DUSP10: variants seen among roughly 807,000 people sequenced by gnomAD.
DUSP10 encodes the protein dual specificity phosphatase 10.
In DUSP10, 14 loss-of-function variants were observed where a neutral mutation model predicts 30.8. The observed-to-expected ratio is 0.46, with a 90% CI of 0.30 to 0.71. The LOEUF (loss-of-function observed/expected upper bound fraction) is 0.71. Ranked by LOEUF, DUSP10 falls within the 30% of genes least tolerant of loss-of-function variation. DUSP10 has a pLI of 0.08. For missense variants in DUSP10, 550 were observed against 619.4 expected, an observed-to-expected ratio of 0.89 and a Z score of 1.19; for synonymous variants, 254 against 250.4, an observed-to-expected ratio of 1.01 and a Z score of -0.14.
At chr1:221,737,017 G>A (rs1661795635) in intron 2 of DUSP10, 1 of 985,366 alleles carries the variant, frequency 1.0e-6, no homozygotes, top group Non-Finnish European at 1.2e-6. Context: ...AGGCTGTCCA[G>A]AATCTCAGCT....
In DUSP10 at chr1:221,706,872, G is replaced by A. The variant is rs898680575; in HGVS notation, c.812-406C>T. Among the ~76,000 whole-genome samples the A allele has an allele frequency of 3.3e-5, 5 of 152,098 alleles. No individual in the cohort carries two copies. Among genetic ancestry groups the A allele is most frequent in the African/African-American group, 9.7e-5 (4 of 41,396 alleles). ...CAAGAAAGGCACAGATGACCTCCTC[G>A]GGTGGAATCTCAGCACCACAGGAGC... On this transcript the variant is annotated intron_variant, in intron 2 of 3. Transcript: ENST00000366899. This position sits in a 1 kb window ranked among gnomAD's most constrained non-coding sequence, Gnocchi z 4.6.
rs118091785 is a variant in DUSP10 at position 221,715,470 on chromosome 1, C to A, written c.812-9004G>T. On this transcript the variant is annotated intron_variant, in intron 2 of 3. Transcript: ENST00000366899. The stretch of plus-strand genomic sequence containing the variant: ...AAAAGTCAGCCTCTGGTTCCTACCC[C>A]CTGAAGGGAGGTGCAGTTCTCTTGC... Among the ~76,000 whole-genome samples the A allele has an allele frequency of 8.6e-3, 1,311 of 152,310 alleles. 24 individuals are homozygous for A. Among genetic ancestry groups the A allele is most frequent in the East Asian group, 0.06 (312 of 5,188 alleles).
Position 221,739,598 on chromosome 1 carries a change from G to C in DUSP10, c.147C>G (p.Thr49=), listed in dbSNP as rs943040472. Reference sequence around the variant, plus strand: ...GATTCGCAGCCTTGAGGGACACAACGGTGGTGGCGATGACAGGAGGGTGGC... The same window carrying C: ...GATTCGCAGCCTTGAGGGACACAACCGTGGTGGCGATGACAGGAGGGTGGC... ...SNSHPPVIAT[T]VVSLKAANLT... is the part of the protein sequence containing the mutation. Residue 49 remains threonine (T), a synonymous_variant, in exon 2 of 4, where the codon ACC becomes ACG. Transcript: ENST00000366899. 1.2e-6 allele frequency: 2 copies of C among 1,614,204 alleles called. No individual in the cohort carries two copies. The highest frequency in any genetic ancestry group is 1.7e-6 in the Non-Finnish European group (2 of 1,180,038).
chr1:221,724,574 G>A (rs1053372719), intron 2 of DUSP10, among the ~76,000 whole-genome samples: 6 of 152,106 alleles, frequency 3.9e-5, no homozygotes, highest in South Asian at 2.1e-4. Context: ...CAATGGCCAC[G>A]TTTGGCTTGC....
intron 1 of DUSP10, among the ~76,000 whole-genome samples, chr1:221,740,800 T>G (rs1261968328): frequency 2.0e-5 from 3 of 152,198 alleles, no homozygotes; most frequent in Admixed American, 6.5e-5. Flanking sequence ...GACAGTGAAT[T>G]GTTGCCCACC....
In DUSP10 at chr1:221,739,031, C is replaced by A. The variant is rs1244116331; in HGVS notation, c.714G>T (p.Glu238Asp). The change falls in exon 2 of 4, where the codon GAG becomes GAT. Residue 238 changes from glutamate to aspartate, a missense_variant. By Grantham distance (45) the Glu-to-Asp change is conservative. Coordinates refer to ENST00000366899, the MANE Select transcript of DUSP10 (RefSeq NM_007207.6). ...TCACTCGGCTTGGTTCATTGGTATT[C>A]TCATCATAAACTATAATTTCTTTGG... The part of the protein sequence containing the change: ...IFSKEIIVYD[E>D]NTNEPSRVMP... 3 of 1,614,046 alleles carry A rather than the reference C, an allele frequency of 1.9e-6. No individual in the cohort carries two copies. In the Admixed American group the frequency reaches 5.0e-5, roughly 27 times the overall value.
rs146391663 is a variant in DUSP10, at chr1:221,706,438, A to G, written c.840T>C (p.His280=). The G allele has an allele frequency of 3.8e-5, 58 of 1,528,956 alleles. No homozygotes were observed. Among genetic ancestry groups the G allele is most frequent in the Non-Finnish European group, 4.4e-5 (50 of 1,138,790 alleles). 94.7% of individuals were successfully genotyped at this position (1,528,956 alleles called of 1,614,324 possible). ...GGAGGGAGTTGTCACAGAGGTTTTC[A>G]TGGTTCTGCTTAAAACTACTAAGTC... ...KGGLSSFKQN[H]ENLCDNSLQL... is the part of the protein sequence containing the mutation. Residue 280 remains histidine, a synonymous_variant, in exon 3 of 4, where the codon CAT becomes CAC. Coordinates refer to ENST00000366899, the MANE Select transcript of DUSP10 (RefSeq NM_007207.6). This position sits in a 1 kb window ranked among gnomAD's most constrained non-coding sequence, Gnocchi z 4.6.
Position 221,706,332 on chromosome 1 carries a change from C to A in DUSP10, c.946G>T (p.Asp316Tyr), listed in dbSNP as rs746847045. The change falls in exon 3 of 4, where the codon GAC becomes TAC. Residue 316 changes from aspartate to tyrosine, a missense_variant. Physicochemically the swap from Asp to Tyr is radical, Grantham distance 160. Transcript: ENST00000366899. This position sits in a 1 kb window ranked among gnomAD's most constrained non-coding sequence, Gnocchi z 4.6. ...GGGGTGAGCTCAGCGTTCTCGATGT[C>A]AGGGGTGGTGGGGATGGGCTGAGGT... Reference protein sequence around the residue: ...LLPQPIPTTPDIENAELTPIL... With the variant: ...LLPQPIPTTPYIENAELTPIL... The A allele has an allele frequency of 6.2e-7, 1 of 1,612,626 alleles. No individual in the cohort carries two copies. The highest frequency in any genetic ancestry group is 8.5e-7 in the Non-Finnish European group (1 of 1,178,808).
At chr1:221,709,320 A>G (rs1248311291) in intron 2 of DUSP10, among the ~76,000 whole-genome samples, 1 of 150,816 alleles carries the variant, frequency 6.6e-6, no homozygotes, top group Non-Finnish European at 1.5e-5. Context: ...GGGGAAAAAA[A>G]CCCGTGGCGG....
Position 221,729,261 on chromosome 1 carries a change from A to G in DUSP10, c.811+9673T>C, listed in dbSNP as rs17010636. On this transcript the variant is annotated intron_variant, in intron 2 of 3. Coordinates refer to ENST00000366899, the MANE Select transcript of DUSP10 (RefSeq NM_007207.6). ...GGCAAGGTTACTGGGAAGCCAGTCT[A>G]CTCTAAGGACACAGAATAGGCTACT... is the stretch of plus-strand genomic sequence containing the variant. 6.9e-4 allele frequency among the ~76,000 whole-genome samples: 105 copies of G among 152,316 alleles called. No individual in the cohort carries two copies. The East Asian group carries it at 0.017, about 24-fold the overall frequency.
intron 2 of DUSP10, chr1:221,737,532 C>T (rs998145506): frequency 5.9e-5 from 50 of 846,426 alleles, no homozygotes; most frequent in Admixed American, 1.9e-4. Flanking sequence ...AGAAAACCCA[C>T]CACAACCACC....
At chr1:221,736,418 C>T (rs867329375) in intron 2 of DUSP10, among the ~76,000 whole-genome samples, 1 of 152,168 alleles carries the variant, frequency 6.6e-6, no homozygotes, top group Non-Finnish European at 1.5e-5. Flanking sequence ...TTACTCCTTC[C>T]GAAATGGTAC....
chr1:221,720,449 T>A lies in DUSP10; in HGVS notation c.812-13983A>T, dbSNP rs372864064. 2.4e-4 allele frequency among the ~76,000 whole-genome samples: 36 copies of A among 152,344 alleles called. No individual in the cohort carries two copies. The South Asian group carries it at 7.5e-3, about 32-fold the overall frequency. ...TCTATATTCTTTGTAATATCTTTTA[T>A]AATAAATGTGTAAACACATTTCCCT... On this transcript the variant is annotated intron_variant, in intron 2 of 3. Coordinates refer to ENST00000366899, the MANE Select transcript of DUSP10 (RefSeq NM_007207.6).
At position 221,702,655 on chromosome 1, in the gene DUSP10, C is replaced by G; in HGVS notation, c.1206G>C (p.Lys402Asn). The G allele has an allele frequency of 6.2e-7, 1 of 1,614,148 alleles. No individual in the cohort carries two copies. The highest frequency in any genetic ancestry group is 1.1e-5 in the South Asian group (1 of 91,078). ...EFIEEAHQCG[K>N]GLLIHCQAGV... ...CAGCCTGGCAGTGGATGAGAAGCCC[C>G]TTCCCACACTGGTGAGCTTCCTCTG... is the stretch of plus-strand genomic sequence containing the variant. Residue 402 changes from lysine to asparagine, a missense_variant, in exon 4 of 4, where the codon AAG becomes AAC. By Grantham distance (94) the Lys-to-Asn change is moderately conservative. Transcript: ENST00000366899. The surrounding 1 kb of genome is among the most constrained non-coding windows in gnomAD (Gnocchi z 4.5).
Position 221,739,356 on chromosome 1 carries a change from G to A in DUSP10, c.389C>T (p.Ser130Leu), listed in dbSNP as rs150066182. 2.9e-5 allele frequency: 47 copies of A among 1,613,944 alleles called. No individual in the cohort carries two copies. The highest frequency in any genetic ancestry group is 3.8e-5 in the Non-Finnish European group (45 of 1,179,966). The change falls in exon 2 of 4, where the codon TCA (serine) becomes TTA (leucine). Residue 130 changes from serine (S) to leucine (L), a missense_variant. Ser to Leu is a moderately radical substitution (Grantham distance 145). Coordinates refer to ENST00000366899, the MANE Select transcript of DUSP10 (RefSeq NM_007207.6). ...TGACACAGGGCTGCCCACCCCACTTGATGGACTTAGAGAGCCTGTATTCTC... is the reference window on the plus strand; with the variant it reads ...TGACACAGGGCTGCCCACCCCACTTAATGGACTTAGAGAGCCTGTATTCTC... ...NNENTGSLSP[S>L]SGVGSPVSGT... is the part of the protein sequence containing the mutation.
At chr1:221,736,886 C>A (rs955942774) in intron 2 of DUSP10, 41 of 985,500 alleles carry the variant, frequency 4.2e-5, no homozygotes, top group Non-Finnish European at 4.8e-5. Context: ...CGCGGTGTCT[C>A]ACCAACTCGA....
At position 221,737,173 on chromosome 1, in the gene DUSP10, C is replaced by T. The variant is rs1031934621; in HGVS notation, c.811+1761G>A. On this transcript the variant is annotated intron_variant, in intron 2 of 3. Coordinates refer to ENST00000366899, the MANE Select transcript of DUSP10 (RefSeq NM_007207.6). ...GGGTCTGCAACTCCTTGTAATCATCCCCATGATTAGGAGGTCTAGGATCAT... is the reference window on the plus strand; with the variant it reads ...GGGTCTGCAACTCCTTGTAATCATCTCCATGATTAGGAGGTCTAGGATCAT... 3 of 985,168 alleles carry T rather than the reference C, an allele frequency of 3.0e-6. No individual in the cohort carries two copies. In the African/African-American group the frequency reaches 5.2e-5, roughly 17 times the overall value. 61.0% of individuals were successfully genotyped at this position (985,168 alleles called of 1,614,324 possible). A position where few individuals can be genotyped will look rare whatever the true frequency, so the allele number is the denominator to read the frequency against.
At chr1:221,723,351 C>T (rs1037873860) in intron 2 of DUSP10, among the ~76,000 whole-genome samples, 1 of 152,242 alleles carries the variant, frequency 6.6e-6, no homozygotes, top group Non-Finnish European at 1.5e-5. Context: ...AGCTGCAGCA[C>T]TTAGCTCTCT....
rs866082370 is a variant in DUSP10, at chr1:221,716,240, C to T, written c.812-9774G>A. ...AGGTGGGCTGGGAAGAGTGATTGAG[C>T]ACTCATCCCTGCCAGCCAAACACAC... On this transcript the variant is annotated intron_variant, in intron 2 of 3. Transcript: ENST00000366899. 2.0e-5 allele frequency among the ~76,000 whole-genome samples: 3 copies of T among 152,302 alleles called. No individual in the cohort carries two copies. The South Asian group carries it at 6.2e-4, about 32-fold the overall frequency.
Sources: allele counts gnomAD v4.1 joint callset (sites outside exome capture counted in the v4.1 genomes callset), GRCh38; gene constraint gnomAD v4.1.1; non-coding constraint Gnocchi (gnomAD v3.1); transcripts MANE v1.5; gene names NCBI Gene and HGNC (gene_info 2026-07-23, HGNC 2026-07-21).